The following CCDC171 variants were observed in gnomAD, a reference collection of about 807,000 sequenced individuals.
CCDC171 encodes coiled-coil domain-containing protein 171.
A neutral mutation model predicts 168.2 loss-of-function variants in CCDC171; 177 were observed. The observed-to-expected ratio is 1.05, with a 90% CI of 0.93 to 1.19. The LOEUF is 1.19. Among genes scored for constraint, CCDC171 ranks in the 50% most tolerant of loss-of-function variants. CCDC171 has a pLI of 0.00. For synonymous variants in CCDC171, 687 were observed against 540.8 expected, an observed-to-expected ratio of 1.27 and a Z score of -3.75; for missense variants, 1,991 against 1,539.0, an observed-to-expected ratio of 1.29 and a Z score of -4.91.
At chr9:15,846,613 C>G (rs1404014040) in intron 21 of CCDC171, 89 bp from the exon 22 acceptor site, 120 of 1,348,668 alleles carry the variant, frequency 8.9e-5, no homozygotes, top group Non-Finnish European at 1.2e-4. Context: ...CTCAGTCAGT[C>G]TGTATTCTTC....
At chr9:15,716,200 G>A (rs974250373) in intron 11 of CCDC171, among the ~76,000 whole-genome samples, 1 of 152,180 alleles carries the variant, frequency 6.6e-6, no homozygotes, top group Non-Finnish European at 1.5e-5. Flanking sequence ...GAGGGAGAGA[G>A]AAGCTCAGGA....
chr9:15,605,927 C>G (rs2043195511), intron 6 of CCDC171, among the ~76,000 whole-genome samples: 1 of 152,106 alleles, frequency 6.6e-6, no homozygotes, highest in African/African-American at 2.4e-5. Context: ...CATACTGTAG[C>G]CTTTCCCTTA....
chr9:15,912,352 C>T (rs1323643640), intron 24 of CCDC171, among the ~76,000 whole-genome samples: 4 of 152,096 alleles, frequency 2.6e-5, no homozygotes, highest in Non-Finnish European at 5.9e-5. Context: ...CTCTGTTTGT[C>T]TATTATTGGT....
At chr9:15,631,010 A>G (rs899549746) in intron 7 of CCDC171, among the ~76,000 whole-genome samples, 5 of 152,258 alleles carry the variant, frequency 3.3e-5, no homozygotes, top group Admixed American at 6.5e-5. Flanking sequence ...TCTCTGGGAC[A>G]CATTCAAAGC....
At chr9:15,644,311 G>T (rs1033899634) in intron 7 of CCDC171, among the ~76,000 whole-genome samples, 1 of 152,186 alleles carries the variant, frequency 6.6e-6, no homozygotes, top group South Asian at 2.1e-4. Flanking sequence ...AGCACCCAGC[G>T]TGAGTGATGC....
At chr9:15,982,343 C>A (rs746322928) in intron 3 of CCDC171, among the ~76,000 whole-genome samples, 1 of 152,258 alleles carries the variant, frequency 6.6e-6, no homozygotes, top group African/African-American at 2.4e-5. Flanking sequence ...GTTATTTAAC[C>A]TCGTGAACCT....
At chr9:15,554,023 CTTTT>C (rs143936791) in intron 1 of CCDC171, among the ~76,000 whole-genome samples, 1 of 143,320 alleles carries the variant, frequency 7.0e-6, no homozygotes, top group Admixed American at 6.9e-5. Flanking sequence ...GATTTTGTCA[CTTTT>C]TTTTTTTTTT....
chr9:15,652,986 A>G (rs192343096), intron 7 of CCDC171, among the ~76,000 whole-genome samples: 17 of 152,110 alleles, frequency 1.1e-4, no homozygotes, highest in African/African-American at 2.9e-4. Flanking sequence ...AAAAGTGACT[A>G]TGTGGGGAAT....
At chr9:15,623,480 C>CACACACAT in intron 7 of CCDC171, 67 bp downstream of exon 7, 1 of 574,244 alleles carries the variant, frequency 1.7e-6, no homozygotes, top group South Asian at 3.8e-5. Context: ...CGCGCGCACA[C>CACACACAT]ACACACACAC....
chr9:15,607,514 T>G (rs547902486), intron 6 of CCDC171, among the ~76,000 whole-genome samples: 2 of 152,164 alleles, frequency 1.3e-5, no homozygotes, highest in East Asian at 3.9e-4. Context: ...CAGGCTGGAG[T>G]GCAGTGGCGC....
At chr9:15,706,244 G>GCTTCCTTCCTTCCTTCCTTCCTTCCTTT (rs2052220255) in intron 11 of CCDC171, among the ~76,000 whole-genome samples, 4 of 77,102 alleles carry the variant, frequency 5.2e-5, no homozygotes, top group Non-Finnish European at 1.1e-4. Context: ...TTCCTTCCTT[G>GCTTCCTTCCTTCCTTCCTTCCTTCCTTT]CTTCCTTCCT....
rs1554691551 is a variant in CCDC171 at position 15,944,836 on chromosome 9, T to TTTTCTTTCTTTCTTTCTTTC, written c.3753+24446_3753+24465dup. 2.8e-3 allele frequency among the ~76,000 whole-genome samples: 358 copies of TTTTCTTTCTTTCTTTCTTTC among 129,858 alleles called. 1 individual carries two copies. The highest frequency in any genetic ancestry group is 4.1e-3 in the Middle Eastern group (1 of 246). The allele number at this position is 129,858 out of a possible 152,430, so 85.2% of individuals were successfully genotyped here. A position where few individuals can be genotyped will look rare whatever the true frequency, so the allele number is the denominator to read the frequency against. ...TGGGTTAGAATTCTTTTTCTTTCTT[T>TTTTCTTTCTTTCTTTCTTTC]TTTCTTTCTTTCTTTCTTTCTTTCT... is the stretch of plus-strand genomic sequence containing the variant. On this transcript the variant is annotated intron_variant, in intron 25 of 25. Transcript: ENST00000380701.
intron 7 of CCDC171, among the ~76,000 whole-genome samples, chr9:15,643,793 C>A (rs1337762204): frequency 6.6e-6 from 1 of 152,150 alleles, no homozygotes; most frequent in Non-Finnish European, 1.5e-5. Context: ...TTTGCCTATT[C>A]TGGACAATTC....
intron 25 of CCDC171, among the ~76,000 whole-genome samples, chr9:15,954,502 A>T (rs570258030): frequency 6.6e-6 from 1 of 151,662 alleles, no homozygotes; most frequent in African/African-American, 2.4e-5. Flanking sequence ...TACTTCTGTT[A>T]TTGATGTTTA....
rs200845379 is a variant in CCDC171, at chr9:16,019,484, GTTTC to G, written n.369-1102_369-1099del. 6.0e-3 allele frequency among the ~76,000 whole-genome samples: 909 copies of G among 152,264 alleles called. 12 individuals are homozygous for G. The highest frequency in any genetic ancestry group is 0.02 in the African/African-American group (829 of 41,550). On this transcript the variant is annotated intron_variant and non_coding_transcript_variant, in intron 3 of 9. Coordinates refer to the CCDC171 transcript ENST00000486641. ...ACTTTGGATGTTTATAAAAACCATT[GTTTC>G]TTGTTTTCCCATAGGCAAGGGCAAG... is the stretch of plus-strand genomic sequence containing the variant.
At chr9:15,991,281 C>A (rs146926986) in intron 3 of CCDC171, among the ~76,000 whole-genome samples, 11,425 of 151,688 alleles carry the variant, frequency 0.075, 1,405 homozygotes, top group African/African-American at 0.26. Context: ...AAACTCACTC[C>A]AAACCGCTCA....
At chr9:15,978,475 C>T (rs73645203), downstream of CCDC171, among the ~76,000 whole-genome samples, 11,896 of 152,228 alleles carry the variant, frequency 0.078, 1,522 homozygotes, top group African/African-American at 0.27. Context: ...AGCGTCCCTC[C>T]TGGGCTTTTT....
At chr9:16,034,122 C>T (rs1833419321) in intron 6 of CCDC171, among the ~76,000 whole-genome samples, 1 of 152,162 alleles carries the variant, frequency 6.6e-6, no homozygotes, top group South Asian at 2.1e-4. Flanking sequence ...TAGCATTTCC[C>T]GAAAGAATTA....
At chr9:15,780,766 G>C (rs1227377928) in intron 20 of CCDC171, among the ~76,000 whole-genome samples, 1 of 152,008 alleles carries the variant, frequency 6.6e-6, no homozygotes, top group Non-Finnish European at 1.5e-5. Flanking sequence ...ATTTTCCTCT[G>C]TCATTTAATT....
Sources: allele counts gnomAD v4.1 joint callset (sites outside exome capture counted in the v4.1 genomes callset), GRCh38; gene constraint gnomAD v4.1.1; transcripts MANE v1.5; gene names NCBI Gene and HGNC (gene_info 2026-07-23, HGNC 2026-07-21).